METTL21C: variants seen among roughly 807,000 people sequenced by gnomAD.
METTL21C encodes the protein protein-lysine methyltransferase METTL21C.
A neutral mutation model predicts 25.9 loss-of-function variants in METTL21C; 21 were observed. The observed-to-expected ratio is 0.81, with a 90% CI of 0.58 to 1.17. METTL21C has a LOEUF of 1.17. METTL21C is among the 50% of genes most tolerant of loss of function. The pLI, the probability that METTL21C is intolerant of heterozygous loss-of-function variation, is 0.00. For synonymous variants in METTL21C, 125 were observed against 124.7 expected (o/e 1.00, Z -0.01); for missense variants, 312 against 315.1 (o/e 0.99, Z 0.07).
intron 2 of METTL21C, among the ~76,000 whole-genome samples, chr13:102,688,454 G>A (rs572287922): frequency 6.6e-6 from 1 of 152,302 alleles, no homozygotes; most frequent in South Asian, 2.1e-4. Flanking sequence ...AGGGAGAGGG[G>A]TCACCACAGA....
intron 2 of METTL21C, among the ~76,000 whole-genome samples, chr13:102,690,254 C>G (rs1178488162): frequency 1.3e-5 from 2 of 152,016 alleles, no homozygotes; most frequent in Non-Finnish European, 2.9e-5. Flanking sequence ...AACCCTATCT[C>G]TACTAAAAAT....
upstream of METTL21C, among the ~76,000 whole-genome samples, chr13:102,699,426 C>T (rs915721865): frequency 6.6e-6 from 1 of 152,158 alleles, no homozygotes; most frequent in African/African-American, 2.4e-5. Context: ...CACAGCTCGC[C>T]CTGGGCTGCT....
At chr13:102,702,641 G>A in the METTL21C span, among the ~76,000 whole-genome samples, 3 of 151,502 alleles carry the variant, frequency 2.0e-5, no homozygotes, top group Non-Finnish European at 2.9e-5. Flanking sequence ...AGGCTGGAGT[G>A]CAATGGCGCA....
intron 1 of METTL21C, 94 bp downstream of exon 1, chr13:102,694,274 GA>G: frequency 7.1e-7 from 1 of 1,400,844 alleles, no homozygotes; most frequent in Non-Finnish European, 9.8e-7. Flanking sequence ...ATGTTAAAAG[GA>G]AATGGAAATT....
chr13:102,697,722 C>T (rs1324305136), upstream of METTL21C, among the ~76,000 whole-genome samples: 4 of 137,828 alleles, frequency 2.9e-5, no homozygotes, highest in African/African-American at 9.8e-5. Context: ...ATGAAGCAGA[C>T]TCCAAGGCAG....
At chr13:102,695,725 G>A (rs1407563124), upstream of METTL21C, among the ~76,000 whole-genome samples, 2 of 152,246 alleles carry the variant, frequency 1.3e-5, no homozygotes, top group African/African-American at 2.4e-5. Flanking sequence ...GGGATAAGCC[G>A]GCATTTGTTC....
At chr13:102,686,875 G>T in intron 3 of METTL21C, 65 bp downstream of exon 3, 1 of 1,303,274 alleles carries the variant, frequency 7.7e-7, no homozygotes, top group Non-Finnish European at 1.1e-6. Context: ...CTGTCATAGA[G>T]TAAGCACTTG....
In METTL21C at chr13:102,690,936, A is replaced by T. The variant is rs759390758; in HGVS notation, c.159T>A (p.His53Gln). The T allele has an allele frequency of 6.2e-7, 1 of 1,614,204 alleles. No individual in the cohort carries two copies. Among genetic ancestry groups the T allele is most frequent in the Admixed American group, 1.7e-5 (1 of 60,020 alleles). The part of the protein sequence containing the change: ...EESNKIEPSL[H>Q]SLQKFVPTDY... ...CTGTAGGAACAAATTTCTGGAGGCT[A>T]TGAAGAGATGGTTCTATCTTGTTGG... is the stretch of plus-strand genomic sequence containing the variant. Residue 53 changes from histidine (H) to glutamine (Q), a missense_variant, in exon 2 of 4, where the codon CAT becomes CAA. Transcript: ENST00000267273.
At chr13:102,691,706 ATGTTCCT>A (rs1885834957) in intron 1 of METTL21C, among the ~76,000 whole-genome samples, 1 of 152,212 alleles carries the variant, frequency 6.6e-6, no homozygotes, top group Non-Finnish European at 1.5e-5. Context: ...TGGCTGGAGC[ATGTTCCT>A]TCAATCTTTC....
rs777922813 is a variant in METTL21C, at chr13:102,694,436, C to T, written c.63G>A (p.Pro21=). The T allele has an allele frequency of 7.5e-6, 11 of 1,464,880 alleles. No individual in the cohort carries two copies. In the East Asian group the frequency reaches 1.3e-4, roughly 17 times the overall value. 90.7% of individuals were successfully genotyped at this position (1,464,880 alleles called of 1,614,324 possible). Residue 21 remains proline (P), a synonymous_variant, in exon 1 of 4, where the codon CCG becomes CCA. Transcript: ENST00000267273. The stretch of plus-strand genomic sequence containing the variant: ...TCTTCTCAGCCTCTAACCAGCCACC[C>T]GGGGAGCTGAGTCCTTCCCCCCGGC... ...PGRRGEGLSS[P]GGWLEAEKKG... is the part of the protein sequence containing the mutation.
At chr13:102,689,669 A>C (rs1885776003) in intron 2 of METTL21C, among the ~76,000 whole-genome samples, 1 of 152,202 alleles carries the variant, frequency 6.6e-6, no homozygotes, top group Non-Finnish European at 1.5e-5. Flanking sequence ...CCGCAGTGGG[A>C]AAAGCAACCA....
At chr13:102,700,959 C>T in the METTL21C span, among the ~76,000 whole-genome samples, 2 of 151,910 alleles carry the variant, frequency 1.3e-5, no homozygotes, top group Non-Finnish European at 1.5e-5. Flanking sequence ...ACTTAGTTGT[C>T]ACTAATCATG....
intron 2 of METTL21C, 57 bp from the exon 3 acceptor site, chr13:102,687,114 A>G: frequency 1.5e-6 from 2 of 1,327,524 alleles, no homozygotes; most frequent in East Asian, 2.3e-5. Flanking sequence ...ACCAGTAGCA[A>G]CCCTTTCTGG....
upstream of METTL21C, among the ~76,000 whole-genome samples, chr13:102,695,567 C>A (rs1392560051): frequency 2.0e-5 from 3 of 152,140 alleles, no homozygotes; most frequent in African/African-American, 7.2e-5. Context: ...TATAAAAGCC[C>A]ATTTTTGTTT....
At chr13:102,692,473 C>T (rs943979536) in intron 1 of METTL21C, among the ~76,000 whole-genome samples, 3 of 152,086 alleles carry the variant, frequency 2.0e-5, no homozygotes, top group African/African-American at 4.8e-5. Flanking sequence ...AAACAAAACC[C>T]GGAGCTTGTA....
upstream of METTL21C, among the ~76,000 whole-genome samples, chr13:102,696,921 G>T (rs1295190910): frequency 1.3e-5 from 2 of 152,146 alleles, no homozygotes; most frequent in African/African-American, 2.4e-5. Context: ...TTGACGGGGG[G>T]CAGGGCAGGG....
Position 102,686,101 on chromosome 13 carries a change from T to A in METTL21C, c.725A>T (p.Asp242Val). 6.2e-7 allele frequency: 1 copy of A among 1,613,750 alleles called. No individual in the cohort carries two copies. Among genetic ancestry groups the A allele is most frequent in the African/African-American group, 1.3e-5 (1 of 75,042 alleles). ...EFLDKFKQVFDTTLLAEYPES... is the reference protein window; with the variant it reads ...EFLDKFKQVFVTTLLAEYPES... ...TGGATATTCAGCCAACAGTGTTGTGTCAAAAACTTGCTTGAATTTATCTAA... is the reference window on the plus strand; with the variant it reads ...TGGATATTCAGCCAACAGTGTTGTGACAAAAACTTGCTTGAATTTATCTAA... Residue 242 changes from aspartate (D) to valine (V), a missense_variant, in exon 4 of 4, where the codon GAC becomes GTC. By Grantham distance (152) the Asp-to-Val change is radical. Transcript: ENST00000267273.
intron 2 of METTL21C, among the ~76,000 whole-genome samples, chr13:102,688,109 C>T (rs1461261500): frequency 1.3e-5 from 2 of 152,186 alleles, no homozygotes; most frequent in African/African-American, 2.4e-5. Context: ...CTATAATTTA[C>T]TTATACATTT....
intron 1 of METTL21C, among the ~76,000 whole-genome samples, chr13:102,691,596 T>C (rs60402381): frequency 0.13 from 19,075 of 151,988 alleles, 2,240 homozygotes; most frequent in African/African-American, 0.31. Flanking sequence ...GATCCACTCG[T>C]CCTGGCCTCC....
Sources: gnomAD v4.1 joint callset for allele counts (sites outside exome capture counted in the v4.1 genomes callset) on GRCh38, gnomAD v4.1.1 for gene constraint, MANE v1.5 for transcripts, NCBI Gene and HGNC (gene_info 2026-07-23, HGNC 2026-07-21) for gene names.